Variants in SLC30A9 observed in about 807,000 individuals in gnomAD.
SLC30A9 encodes the protein proton-coupled zinc antiporter SLC30A9, mitochondrial.
In SLC30A9, 58 loss-of-function variants were observed where a neutral mutation model predicts 87.5. The observed-to-expected ratio is 0.66, with a 90% CI of 0.54 to 0.82. SLC30A9 has a LOEUF of 0.82. SLC30A9 is among the 40% of genes least tolerant of loss of function. SLC30A9 has a pLI of 0.00. For synonymous variants in SLC30A9, 234 were observed against 233.0 expected (o/e 1.00, Z -0.04); for missense variants, 557 against 679.1 (o/e 0.82, Z 2.00).
At chr4:41,992,347 A>G (rs990006240) in intron 1 of SLC30A9, among the ~76,000 whole-genome samples, 3 of 152,050 alleles carry the variant, frequency 2.0e-5, no homozygotes, top group Non-Finnish European at 4.4e-5. Flanking sequence ...CTCAAAAAAA[A>G]AAAAAGAAAA....
chr4:42,062,089 G>A, intron 10 of SLC30A9, among the ~76,000 whole-genome samples: 1 of 151,554 alleles, frequency 6.6e-6, no homozygotes. Context: ...AGCTACTTGG[G>A]AGGCTGAGGC....
Position 42,089,197 on chromosome 4 carries a change from C to G in SLC30A9, c.*3071C>G, listed in dbSNP as rs1719022237. 6.6e-6 allele frequency: 1 copy of G among 152,082 alleles called. No individual in the cohort carries two copies. The allele number at this position is 152,082 out of a possible 1,614,324, so 9.4% of individuals were successfully genotyped here. ...CCCAAAACTAAAATCTAGGATTTAT[C>G]AAAGGTGAGGTATACAGTGGTCCCT... On this transcript the variant is annotated 3_prime_UTR_variant, in exon 18 of 18. Coordinates refer to ENST00000264451, the MANE Select transcript of SLC30A9 (RefSeq NM_006345.4).
chr4:42,068,713 A>T (rs1718188546), intron 14 of SLC30A9, among the ~76,000 whole-genome samples: 1 of 152,242 alleles, frequency 6.6e-6, no homozygotes, highest in Admixed American at 6.5e-5. Context: ...AATGCCAATA[A>T]TAACTACTGT....
At chr4:42,052,447 A>T (rs1194356935) in intron 9 of SLC30A9, among the ~76,000 whole-genome samples, 2 of 152,258 alleles carry the variant, frequency 1.3e-5, no homozygotes, top group Admixed American at 6.5e-5. Context: ...AGAACCTGGA[A>T]TATTCAAAGC....
At chr4:42,062,071 A>G (rs1301953922) in intron 10 of SLC30A9, among the ~76,000 whole-genome samples, 1 of 150,256 alleles carries the variant, frequency 6.7e-6, no homozygotes, top group Non-Finnish European at 1.5e-5. Context: ...GTGCATGCCT[A>G]TAATCCTAGC....
chr4:42,009,490 T>A (rs553348061), intron 2 of SLC30A9, among the ~76,000 whole-genome samples: 1 of 152,368 alleles, frequency 6.6e-6, no homozygotes, highest in African/African-American at 2.4e-5. Flanking sequence ...ATTTTGCTAA[T>A]GACAGCAGAT....
intron 1 of SLC30A9, among the ~76,000 whole-genome samples, chr4:42,000,771 T>C (rs1281986630): frequency 6.6e-6 from 1 of 152,020 alleles, no homozygotes; most frequent in Non-Finnish European, 1.5e-5. Flanking sequence ...CTTACAAAAG[T>C]TTCAACTCTT....
chr4:42,026,171 A>G (rs903774061), intron 6 of SLC30A9, among the ~76,000 whole-genome samples: 4 of 152,222 alleles, frequency 2.6e-5, no homozygotes, highest in Non-Finnish European at 5.9e-5. Flanking sequence ...ACTTAAATTA[A>G]CAGAAGTGAA....
intron 1 of SLC30A9, among the ~76,000 whole-genome samples, chr4:41,997,969 A>G (rs1714793272): frequency 6.6e-6 from 1 of 152,264 alleles, no homozygotes; most frequent in Non-Finnish European, 1.5e-5. Flanking sequence ...GTTGCAAGAA[A>G]TCTTTTTGTT....
intron 2 of SLC30A9, among the ~76,000 whole-genome samples, chr4:42,002,575 G>T (rs906436516): frequency 1.3e-5 from 2 of 151,956 alleles, no homozygotes; most frequent in African/African-American, 4.8e-5. Flanking sequence ...ATGGCCTCTA[G>T]CTACATCCAT....
intron 8 of SLC30A9, among the ~76,000 whole-genome samples, chr4:42,040,141 C>T (rs1336253084): frequency 6.6e-6 from 1 of 152,064 alleles, no homozygotes; most frequent in Non-Finnish European, 1.5e-5. Flanking sequence ...GTACCATTCA[C>T]TGAGGAGAGT....
intron 16 of SLC30A9, among the ~76,000 whole-genome samples, chr4:42,077,829 A>G (rs1003230115): frequency 6.6e-6 from 1 of 150,866 alleles, no homozygotes; most frequent in East Asian, 1.9e-4. Flanking sequence ...TCCATATCCC[A>G]TTATCATAAA....
At chr4:42,029,498 C>G in intron 6 of SLC30A9, 2 of 671,912 alleles carry the variant, frequency 3.0e-6, no homozygotes, top group Non-Finnish European at 5.6e-6. Context: ...CCTAATGATC[C>G]CAAGCACTGT....
chr4:42,048,367 A>T (rs1211700583), intron 8 of SLC30A9, among the ~76,000 whole-genome samples: 1 of 152,178 alleles, frequency 6.6e-6, no homozygotes, highest in Non-Finnish European at 1.5e-5. Flanking sequence ...GAAAACTGTG[A>T]CAGACAGAAT....
chr4:42,030,004 C>A, intron 6 of SLC30A9: 1 of 897,404 alleles, frequency 1.1e-6, no homozygotes, highest in Non-Finnish European at 1.8e-6. Context: ...GTACAGTTCA[C>A]CAACCTTACC....
chr4:42,020,519 ATT>A lies in SLC30A9; in HGVS notation c.434+10_434+11del. ...ATGAGTTCTGCCTCAAATCCAGGTA[ATT>A]TTTTTAAAAAATGTAGCCGTGTGTC... is the stretch of plus-strand genomic sequence containing the variant. On this transcript the variant is annotated splice_donor_5th_base_variant and intron_variant, in intron 4 of 17. Transcript: ENST00000264451. 1 of 1,528,092 alleles carries A rather than the reference ATT, an allele frequency of 6.5e-7. No homozygotes were observed. The highest frequency in any genetic ancestry group is 9.0e-7 in the Non-Finnish European group (1 of 1,108,542). The allele number at this position is 1,528,092 out of a possible 1,614,324, so 94.7% of individuals were successfully genotyped here.
At chr4:42,055,826 G>C (rs997211183) in intron 9 of SLC30A9, among the ~76,000 whole-genome samples, 1 of 152,174 alleles carries the variant, frequency 6.6e-6, no homozygotes, top group Non-Finnish European at 1.5e-5. Context: ...GCAGGTGCTG[G>C]ATAGTATGAT....
At chr4:42,021,035 T>G (rs1715924395) in intron 4 of SLC30A9, among the ~76,000 whole-genome samples, 4 of 152,214 alleles carry the variant, frequency 2.6e-5, no homozygotes, top group African/African-American at 9.6e-5. Context: ...GTCACAGATT[T>G]AAACTTTTCT....
intron 6 of SLC30A9, chr4:42,029,257 TG>T: frequency 2.2e-6 from 1 of 461,750 alleles, no homozygotes; most frequent in Non-Finnish European, 4.3e-6. Context: ...GAAATTCTTC[TG>T]GAACTCAGAG....
Sources: allele counts gnomAD v4.1 joint callset (sites outside exome capture counted in the v4.1 genomes callset), GRCh38; gene constraint gnomAD v4.1.1; transcripts MANE v1.5; gene names NCBI Gene and HGNC (gene_info 2026-07-23, HGNC 2026-07-21).